The following WDR20 variants were observed in gnomAD, a reference collection of about 807,000 sequenced individuals.
The protein encoded by WDR20 is WD repeat domain 20, also known as WD repeat-containing protein 20.
Under a neutral mutation model 38.7 loss-of-function variants are expected in WDR20, and 3 were observed. The ratio of observed to expected loss-of-function variants is 0.08; its 90% CI spans 0.04 to 0.20. The LOEUF (loss-of-function observed/expected upper bound fraction) is 0.20, where lower values mean the gene tolerates loss of function less well. WDR20 is among the 10% of genes least tolerant of loss of function. The pLI is 1.00. For missense variants in WDR20, 559 were observed against 727.7 expected, an observed-to-expected ratio of 0.77 and a Z score of 2.67; for synonymous variants, 298 against 285.6, an observed-to-expected ratio of 1.04 and a Z score of -0.44.
chr14:102,191,574 T>C (rs2152930639), intron 1 of WDR20, among the ~76,000 whole-genome samples: 1 of 152,276 alleles, frequency 6.6e-6, no homozygotes, highest in Non-Finnish European at 1.5e-5. Context: ...GGGGTGGGGC[T>C]CCAAAAAGCT....
chr14:102,166,444 G>C (rs1357533211), intron 1 of WDR20, among the ~76,000 whole-genome samples: 1 of 152,220 alleles, frequency 6.6e-6, no homozygotes, highest in East Asian at 1.9e-4. Flanking sequence ...ACATATATCT[G>C]TGCATGCATG....
chr14:102,144,413 C>T (rs1595778230), intron 1 of WDR20, among the ~76,000 whole-genome samples: 1 of 149,938 alleles, frequency 6.7e-6, no homozygotes, highest in South Asian at 2.1e-4. Context: ...ACCCTGGAGT[C>T]GGAGGTTGCA....
At chr14:102,189,768 G>T (rs1365072654) in intron 1 of WDR20, among the ~76,000 whole-genome samples, 1 of 152,190 alleles carries the variant, frequency 6.6e-6, no homozygotes, top group Non-Finnish European at 1.5e-5. Context: ...AGTGGTAACT[G>T]TTTAATAAAG....
downstream of WDR20, among the ~76,000 whole-genome samples, chr14:102,219,535 A>G: frequency 6.6e-6 from 1 of 152,210 alleles, no homozygotes; most frequent in East Asian, 1.9e-4. Flanking sequence ...GGAGAACTGG[A>G]GGCCGGGCCC....
rs538687865 is a variant in WDR20, at chr14:102,222,974, C to T, written c.*91C>T. 80 of 1,525,116 alleles carry T rather than the reference C, an allele frequency of 5.2e-5. No individual in the cohort carries two copies. The African/African-American group carries it at 5.9e-4, about 11-fold the overall frequency. The allele number at this position is 1,525,116 out of a possible 1,614,324, so 94.5% of individuals were successfully genotyped here. On this transcript the variant is annotated 3_prime_UTR_variant, in exon 4 of 4. Transcript: ENST00000335263. The surrounding 1 kb of genome is among the most constrained non-coding windows in gnomAD (Gnocchi z 4.4). Reference sequence around the variant, plus strand: ...CGAGCTGCGCCTGAGCCGTGCCAGCCGGCGGACCTCAGGCGGTGGACGTCG... The same window carrying T: ...CGAGCTGCGCCTGAGCCGTGCCAGCTGGCGGACCTCAGGCGGTGGACGTCG...
intron 1 of WDR20, among the ~76,000 whole-genome samples, chr14:102,154,949 AATTG>A (rs1437318917): frequency 6.6e-6 from 1 of 152,224 alleles, no homozygotes; most frequent in Non-Finnish European, 1.5e-5. Context: ...GATTATTAAT[AATTG>A]ATAGGACAAA....
intron 2 of WDR20, chr14:102,197,959 C>T: frequency 1.7e-6 from 1 of 580,668 alleles, no homozygotes; most frequent in South Asian, 2.2e-5. Context: ...AAAACCTGCC[C>T]TCCTGTGACC....
Position 102,210,354 on chromosome 14 carries a change from G to T in WDR20, c.*474G>T. ...CAATTTTTTATCTTAATCATAAAAT[G>T]TTTAGGAATCTATGAAATTTAACTT... On this transcript the variant is annotated 3_prime_UTR_variant, in exon 3 of 3. Coordinates refer to ENST00000342702, the MANE Select transcript of WDR20 (RefSeq NM_144574.4). 1.0e-6 allele frequency: 1 copy of T among 985,824 alleles called. No individual in the cohort carries two copies. The highest frequency in any genetic ancestry group is 1.2e-6 in the Non-Finnish European group (1 of 830,052). The allele number at this position is 985,824 out of a possible 1,614,324, so 61.1% of individuals were successfully genotyped here.
chr14:102,149,231 G>C (rs373011775), intron 1 of WDR20, among the ~76,000 whole-genome samples: 1 of 152,038 alleles, frequency 6.6e-6, no homozygotes, highest in Admixed American at 6.6e-5. Context: ...GGGTCTTGCT[G>C]TGTTGCCTAG....
At chr14:102,186,881 T>G (rs1393368495) in intron 1 of WDR20, among the ~76,000 whole-genome samples, 1 of 150,130 alleles carries the variant, frequency 6.7e-6, no homozygotes, top group Non-Finnish European at 1.5e-5. Flanking sequence ...ACCCAGGAGG[T>G]GGATCTTGCA....
At chr14:102,188,969 TG>T (rs1291083045) in intron 1 of WDR20, among the ~76,000 whole-genome samples, 3 of 151,558 alleles carry the variant, frequency 2.0e-5, no homozygotes, top group African/African-American at 7.3e-5. Context: ...CCCACCACTT[TG>T]GGAGGCCAAG....
At chr14:102,213,290 CCTT>C, downstream of WDR20, 1 of 985,416 alleles carries the variant, frequency 1.0e-6, no homozygotes, top group Non-Finnish European at 1.2e-6. Flanking sequence ...GAAAAGCTTG[CCTT>C]CTTTTAAAAG....
At chr14:102,142,823 A>G (rs1595750899) in intron 1 of WDR20, among the ~76,000 whole-genome samples, 1 of 96,126 alleles carries the variant, frequency 1.0e-5, no homozygotes, top group African/African-American at 4.1e-5. Flanking sequence ...GTAAAATTTT[A>G]CAATAATTAT....
chr14:102,224,261 C>T (rs947505331), downstream of WDR20, among the ~76,000 whole-genome samples: 10 of 151,850 alleles, frequency 6.6e-5, no homozygotes, highest in Non-Finnish European at 8.8e-5. Flanking sequence ...AGGATGGTCT[C>T]GATCTCCTGA....
At chr14:102,179,712 T>C (rs972262377) in intron 1 of WDR20, among the ~76,000 whole-genome samples, 5 of 152,162 alleles carry the variant, frequency 3.3e-5, no homozygotes, top group African/African-American at 1.2e-4. Flanking sequence ...TCCCCTCATA[T>C]TTGTACATAC....
chr14:102,214,149 G>A, downstream of WDR20: 2 of 985,654 alleles, frequency 2.0e-6, no homozygotes, highest in Non-Finnish European at 2.4e-6. Context: ...ACATGCGTGG[G>A]TAGGGGTCGG....
intron 2 of WDR20, among the ~76,000 whole-genome samples, chr14:102,206,389 A>G (rs867201831): frequency 6.6e-6 from 1 of 152,198 alleles, no homozygotes. Flanking sequence ...ATACCTCACT[A>G]TTGCAAAGCA....
intron 1 of WDR20, among the ~76,000 whole-genome samples, chr14:102,194,469 A>ATGC (rs1222012678): frequency 2.6e-5 from 4 of 152,120 alleles, no homozygotes; most frequent in East Asian, 3.9e-4. Flanking sequence ...AAGTTCCCAC[A>ATGC]TGCTGCTGCT....
intron 1 of WDR20, among the ~76,000 whole-genome samples, chr14:102,149,036 G>T (rs1159329923): frequency 6.6e-6 from 1 of 152,064 alleles, no homozygotes; most frequent in Non-Finnish European, 1.5e-5. Flanking sequence ...GGTGGCGGGT[G>T]CCTGTAGTCG....
Sources: allele counts gnomAD v4.1 joint callset (sites outside exome capture counted in the v4.1 genomes callset), GRCh38; gene constraint gnomAD v4.1.1; non-coding constraint Gnocchi (gnomAD v3.1); transcripts MANE v1.5; gene names NCBI Gene and HGNC (gene_info 2026-07-23, HGNC 2026-07-21).